The following ARMC10 variants were observed in gnomAD, a reference collection of about 807,000 sequenced individuals.
ARMC10 encodes the protein armadillo repeat containing 10.
ARMC10 carries 23 observed loss-of-function variants against 30.2 expected under a neutral mutation model. That is an observed-to-expected ratio of 0.76 (90% CI 0.55 to 1.08). The LOEUF is 1.08. Ranked by LOEUF, ARMC10 falls within the 50% of genes least tolerant of loss-of-function variation. The pLI, the probability that ARMC10 is intolerant of heterozygous loss-of-function variation, is 0.00. For synonymous variants in ARMC10, 111 were observed against 164.4 expected (o/e 0.68, Z 2.48); for missense variants, 303 against 413.7 (o/e 0.73, Z 2.32).
In ARMC10 at chr7:103,092,466, C is replaced by T; in HGVS notation, c.529-11C>T. On this transcript the variant is annotated splice_polypyrimidine_tract_variant and intron_variant, in intron 4 of 6. Coordinates refer to ENST00000323716, the MANE Select transcript of ARMC10 (RefSeq NM_031905.5). The stretch of plus-strand genomic sequence containing the variant: ...GATTCTAAGATGCTCATTTTCCTCC[C>T]CTGCCTTCAGATATACATCAGTCAA... 1 of 1,548,960 alleles carries T rather than the reference C, an allele frequency of 6.5e-7. No homozygotes were observed. The highest frequency in any genetic ancestry group is 8.8e-7 in the Non-Finnish European group (1 of 1,134,468).
Position 103,083,772 on chromosome 7 carries a change from T to A in ARMC10, c.335T>A (p.Val112Glu). The A allele has an allele frequency of 6.2e-7, 1 of 1,614,210 alleles. No individual in the cohort carries two copies. The change falls in exon 3 of 7, where the codon GTA (valine) becomes GAA (glutamate). Residue 112 changes from valine to glutamate, a missense_variant. Transcript: ENST00000323716. ...LYLLESTEDP[V>E]IIERALITLG... ...CTGCTGGAGTCAACGGAGGATCCTGTAATTATTGAAAGAGCTTTGATTACT... is the reference window on the plus strand; with the variant it reads ...CTGCTGGAGTCAACGGAGGATCCTGAAATTATTGAAAGAGCTTTGATTACT...
intron 5 of ARMC10, chr7:103,095,683 C>G (rs1299880985): frequency 6.6e-6 from 1 of 151,998 alleles, no homozygotes; most frequent in African/African-American, 2.4e-5. Context: ...TGGAACCAAC[C>G]CGAATGTCCA....
chr7:103,081,083 G>C (rs1563318195), intron 2 of ARMC10, among the ~76,000 whole-genome samples: 1 of 152,124 alleles, frequency 6.6e-6, no homozygotes, highest in Admixed American at 6.5e-5. Context: ...AATATTCTAG[G>C]TACAAAAGTG....
intron 2 of ARMC10, 115 bp downstream of exon 2, chr7:103,075,996 G>C: frequency 1.5e-6 from 1 of 658,466 alleles, no homozygotes; most frequent in Middle Eastern, 2.6e-4. Flanking sequence ...CCCTCCAAAG[G>C]CATGTTTCAC....
chr7:103,085,606 C>CTTCTTTTTTTTTTTT (rs1563322299), intron 3 of ARMC10, among the ~76,000 whole-genome samples: 7 of 130,570 alleles, frequency 5.4e-5, no homozygotes, highest in Non-Finnish European at 8.3e-5. Flanking sequence ...CATTTCTCTT[C>CTTCTTTTTTTTTTTT]TTTTTTTTTT....
chr7:103,083,133 G>A (rs1304404694), intron 2 of ARMC10: 1 of 456,658 alleles, frequency 2.2e-6, no homozygotes, highest in Non-Finnish European at 4.4e-6. Flanking sequence ...AGCATTTGAG[G>A]TATATAGTAT....
intron 2 of ARMC10, among the ~76,000 whole-genome samples, chr7:103,082,550 G>C (rs1402248034): frequency 6.6e-6 from 1 of 151,834 alleles, no homozygotes; most frequent in Non-Finnish European, 1.5e-5. Flanking sequence ...TGTGCAGACT[G>C]GTCTCGAACC....
At chr7:103,080,368 C>T (rs1800270103) in intron 2 of ARMC10, among the ~76,000 whole-genome samples, 1 of 151,862 alleles carries the variant, frequency 6.6e-6, no homozygotes, top group African/African-American at 2.4e-5. Context: ...GATGCTTCTA[C>T]CTCGGCCACC....
chr7:103,092,466 C>G lies in ARMC10; in HGVS notation c.529-11C>G. 2 of 1,548,960 alleles carry G rather than the reference C, an allele frequency of 1.3e-6. No homozygotes were observed. The highest frequency in any genetic ancestry group is 2.3e-5 in the East Asian group (1 of 43,578). On this transcript the variant is annotated splice_polypyrimidine_tract_variant and intron_variant, in intron 4 of 6. Coordinates refer to ENST00000323716, the MANE Select transcript of ARMC10 (RefSeq NM_031905.5). Reference sequence around the variant, plus strand: ...GATTCTAAGATGCTCATTTTCCTCCCCTGCCTTCAGATATACATCAGTCAA... The same window carrying G: ...GATTCTAAGATGCTCATTTTCCTCCGCTGCCTTCAGATATACATCAGTCAA...
rs1800841673 is a variant in ARMC10, at chr7:103,086,246, CTAACTT to C, written c.394-381_394-376del. Reference sequence around the variant, plus strand: ...ACTTTAGTATTCTAAATCCAAAACACTAACTTTAGTATTCTAAATTATAACACTTTT... The same window carrying C: ...ACTTTAGTATTCTAAATCCAAAACACTAGTATTCTAAATTATAACACTTTT... On this transcript the variant is annotated intron_variant, in intron 3 of 6. Transcript: ENST00000323716. 2.0e-5 allele frequency among the ~76,000 whole-genome samples: 3 copies of C among 152,268 alleles called. No homozygotes were observed. The South Asian group carries it at 6.2e-4, about 32-fold the overall frequency.
Position 103,092,508 on chromosome 7 carries a change from T to C in ARMC10, c.560T>C (p.Phe187Ser), listed in dbSNP as rs1309233973. ...IYISQVCEDV[F>S]SGPLNSAVQL... Reference sequence around the variant, plus strand: ...ATCAGTCAAGTATGTGAGGATGTCTTCTCTGGTCCTCTGAACTCTGCTGTG... The same window carrying C: ...ATCAGTCAAGTATGTGAGGATGTCTCCTCTGGTCCTCTGAACTCTGCTGTG... Residue 187 changes from phenylalanine to serine, a missense_variant, in exon 5 of 7, where the codon TTC becomes TCC. Physicochemically the swap from Phe to Ser is radical, Grantham distance 155. This residue lies in a region of ARMC10 where 170 missense variants were observed against 207.2 expected (regional missense o/e 0.82). Transcript: ENST00000323716. 2.5e-6 allele frequency: 4 copies of C among 1,594,506 alleles called. No homozygotes were observed. The South Asian group carries it at 4.4e-5, about 18-fold the overall frequency.
At chr7:103,087,165 T>C (rs1356910022) in intron 4 of ARMC10, among the ~76,000 whole-genome samples, 3 of 152,248 alleles carry the variant, frequency 2.0e-5, no homozygotes, top group Admixed American at 6.5e-5. Flanking sequence ...TTCATAAATA[T>C]GGTTGTTAAT....
intron 5 of ARMC10, chr7:103,095,842 C>G (rs1479749997): frequency 6.6e-6 from 1 of 151,394 alleles, no homozygotes; most frequent in Non-Finnish European, 1.5e-5. Flanking sequence ...GAACAAAAAA[C>G]CAAACACTGT....
At chr7:103,087,771 A>G (rs1183278520) in intron 4 of ARMC10, 1 of 985,072 alleles carries the variant, frequency 1.0e-6, no homozygotes, top group Non-Finnish European at 1.2e-6. Context: ...CTTCCAGCCC[A>G]AAACACTGTT....
At chr7:103,093,556 T>C (rs759079260) in intron 5 of ARMC10, among the ~76,000 whole-genome samples, 7 of 152,228 alleles carry the variant, frequency 4.6e-5, no homozygotes, top group Non-Finnish European at 8.8e-5. Context: ...GAAAATTAAA[T>C]GTAAGAGTAG....
intron 2 of ARMC10, among the ~76,000 whole-genome samples, chr7:103,077,179 C>A (rs1799964487): frequency 6.6e-6 from 1 of 152,146 alleles, no homozygotes; most frequent in Non-Finnish European, 1.5e-5. Context: ...GATTGAGCCT[C>A]CTCACCTGGC....
rs187127583 is a variant in ARMC10 at position 103,080,641 on chromosome 7, T to A, written c.245-3041T>A. ...TTTTATTTTTTATTTATTCATTTATTTTTTGAGATGGAGTCTTGCTCTGTT... is the reference window on the plus strand; with the variant it reads ...TTTTATTTTTTATTTATTCATTTATATTTTGAGATGGAGTCTTGCTCTGTT... On this transcript the variant is annotated intron_variant, in intron 2 of 6. Transcript: ENST00000323716. Among the ~76,000 whole-genome samples, 250 of 143,764 alleles carry A rather than the reference T, an allele frequency of 1.7e-3. 3 individuals are homozygous for A. The highest frequency in any genetic ancestry group is 7.5e-3 in the Admixed American group (107 of 14,270). The allele number at this position is 143,764 out of a possible 152,430, so 94.3% of individuals were successfully genotyped here. A position where few individuals can be genotyped will look rare whatever the true frequency, so the allele number is the denominator to read the frequency against.
chr7:103,092,114 C>T (rs769339367), intron 4 of ARMC10, among the ~76,000 whole-genome samples: 11 of 152,052 alleles, frequency 7.2e-5, no homozygotes, highest in Non-Finnish European at 1.5e-4. Context: ...GGGCGGATCG[C>T]GAGGTCAGGA....
chr7:103,098,201 T>C (rs1801938242), intron 6 of ARMC10, 98 bp from the exon 7 acceptor site: 2 of 1,147,826 alleles, frequency 1.7e-6, no homozygotes, highest in Admixed American at 7.7e-5. Flanking sequence ...AATTTTAAAA[T>C]GTGAGTTATT....
Sources: allele counts gnomAD v4.1 joint callset (sites outside exome capture counted in the v4.1 genomes callset), GRCh38; gene constraint gnomAD v4.1.1; regional missense constraint gnomAD v4.1.1; transcripts MANE v1.5; gene names NCBI Gene and HGNC (gene_info 2026-07-23, HGNC 2026-07-21).